Variants in AK9 observed in about 807,000 individuals in gnomAD.
AK9 encodes the protein adenylate kinase domain containing 1.
AK9 carries 191 observed loss-of-function variants against 239.6 expected under a neutral mutation model. That is an observed-to-expected ratio of 0.80 (90% CI 0.71 to 0.90). The LOEUF (loss-of-function observed/expected upper bound fraction) is 0.90. AK9 is among the 40% of genes least tolerant of loss of function. The probability of loss-of-function intolerance (pLI) is 0.00; values close to 1 mark genes in which losing one functional copy is unlikely to be tolerated. For synonymous variants in AK9, 689 were observed against 721.0 expected (o/e 0.96, Z 0.71); for missense variants, 1,995 against 2,214.7 (o/e 0.90, Z 1.99).
chr6:109,555,804 G>A (rs188195950), intron 24 of AK9, among the ~76,000 whole-genome samples: 7 of 152,264 alleles, frequency 4.6e-5, no homozygotes, highest in Admixed American at 6.5e-5. Flanking sequence ...TTTCAAGTCC[G>A]TTTGGTCAGA....
Position 109,550,276 on chromosome 6 carries a change from CTT to C in AK9, c.2776_2777del (p.Lys926GlufsTer42), listed in dbSNP as rs758561120. On this transcript the variant is annotated frameshift_variant, in exon 25 of 41. Coordinates refer to ENST00000424296, the MANE Select transcript of AK9 (RefSeq NM_001145128.3). LOFTEE classifies it high-confidence loss of function. ...AGTGTTTTGTGTCTCCCAAATGCCT[CTT>C]TCTCTCCTTCATTTTATCTTCACCC... is the stretch of plus-strand genomic sequence containing the variant. ...EEGEDKMKER[K>X]RHLGDTKHFC... 4 of 1,611,348 alleles carry C rather than the reference CTT, an allele frequency of 2.5e-6. No individual in the cohort carries two copies. The highest frequency in any genetic ancestry group is 3.4e-6 in the Non-Finnish European group (4 of 1,179,952).
At chr6:109,537,825 A>G (rs1263651251) in intron 27 of AK9, among the ~76,000 whole-genome samples, 1 of 152,112 alleles carries the variant, frequency 6.6e-6, no homozygotes, top group African/African-American at 2.4e-5. Context: ...CATTGGTTTC[A>G]AAGAACATCT....
intron 17 of AK9, among the ~76,000 whole-genome samples, chr6:109,603,250 G>A (rs1392166081): frequency 9.9e-5 from 15 of 152,104 alleles, no homozygotes; most frequent in Admixed American, 7.9e-4. Flanking sequence ...ATGAGGTTTT[G>A]GTGTGGGTGT....
At chr6:109,646,197 T>C (rs1037101498) in intron 8 of AK9, among the ~76,000 whole-genome samples, 3 of 152,132 alleles carry the variant, frequency 2.0e-5, no homozygotes, top group South Asian at 2.1e-4. Context: ...CTCCAAAGGA[T>C]TGCAGCCCCT....
At chr6:109,677,507 T>C (rs1771929610) in intron 1 of AK9, among the ~76,000 whole-genome samples, 2 of 152,124 alleles carry the variant, frequency 1.3e-5, no homozygotes, top group South Asian at 4.1e-4. Flanking sequence ...TTCAAATTAA[T>C]ACATAAAATT....
intron 12 of AK9, among the ~76,000 whole-genome samples, chr6:109,628,134 C>T (rs1405313593): frequency 6.6e-6 from 1 of 152,170 alleles, no homozygotes; most frequent in African/African-American, 2.4e-5. Context: ...ATGGCCTTTA[C>T]AGTGTGTCAG....
chr6:109,660,190 C>T (rs1222910045), intron 6 of AK9, among the ~76,000 whole-genome samples: 1 of 152,072 alleles, frequency 6.6e-6, no homozygotes, highest in African/African-American at 2.4e-5. Context: ...TGATTGTAGT[C>T]CATGGTCTAT....
intron 8 of AK9, among the ~76,000 whole-genome samples, chr6:109,649,763 G>T (rs941289169): frequency 6.6e-6 from 1 of 152,214 alleles, no homozygotes; most frequent in Non-Finnish European, 1.5e-5. Flanking sequence ...CCAAAAAAGA[G>T]CTGGCATCGC....
intron 17 of AK9, among the ~76,000 whole-genome samples, chr6:109,603,786 C>G (rs1792435800): frequency 6.6e-6 from 1 of 152,196 alleles, no homozygotes. Context: ...CGCCCCTCCC[C>G]CAGACTCACT....
chr6:109,671,085 AG>A (rs998676053), intron 5 of AK9, among the ~76,000 whole-genome samples: 1 of 152,202 alleles, frequency 6.6e-6, no homozygotes, highest in Non-Finnish European at 1.5e-5. Flanking sequence ...TTTTGTCTAT[AG>A]ATAGAAACCA....
At chr6:109,596,669 C>G (rs956074675) in intron 17 of AK9, among the ~76,000 whole-genome samples, 42 of 152,066 alleles carry the variant, frequency 2.8e-4, no homozygotes, top group Non-Finnish European at 1.2e-4. Context: ...AATCTGTGAA[C>G]AGGAAGGGAG....
chr6:109,493,650 T>C, intron 40 of AK9, 79 bp from the exon 41 acceptor site: 3 of 1,230,600 alleles, frequency 2.4e-6, no homozygotes, highest in Non-Finnish European at 3.5e-6. Context: ...GGATGTGTGG[T>C]TGAGTTAGTT....
At chr6:109,655,849 G>C (rs1799628660) in intron 8 of AK9, among the ~76,000 whole-genome samples, 1 of 152,186 alleles carries the variant, frequency 6.6e-6, no homozygotes, top group South Asian at 2.1e-4. Context: ...CGCTTCAGAA[G>C]CTACGTTTAT....
intron 12 of AK9, among the ~76,000 whole-genome samples, chr6:109,625,300 T>C (rs912945481): frequency 6.6e-6 from 1 of 152,272 alleles, no homozygotes; most frequent in African/African-American, 2.4e-5. Context: ...ATGGCTTTTC[T>C]TCTTGTAGTT....
At chr6:109,618,567 G>A (rs1023479768) in intron 13 of AK9, among the ~76,000 whole-genome samples, 3 of 152,082 alleles carry the variant, frequency 2.0e-5, no homozygotes, top group Non-Finnish European at 4.4e-5. Context: ...TATGCTACCC[G>A]CTGGGTGATT....
chr6:109,531,769 C>CA (rs1230561040), intron 28 of AK9, among the ~76,000 whole-genome samples: 3 of 152,164 alleles, frequency 2.0e-5, no homozygotes, highest in Non-Finnish European at 4.4e-5. Flanking sequence ...CTCATACTTA[C>CA]AGAATCTCTC....
chr6:109,623,903 ACATTT>A (rs1411499331), intron 12 of AK9, among the ~76,000 whole-genome samples: 106 of 127,468 alleles, frequency 8.3e-4, no homozygotes, highest in Admixed American at 4.3e-3. Flanking sequence ...ACACACACAC[ACATTT>A]CTTCTCCCAC....
intron 17 of AK9, among the ~76,000 whole-genome samples, chr6:109,603,716 C>A (rs1562481437): frequency 6.6e-6 from 1 of 152,140 alleles, no homozygotes; most frequent in Non-Finnish European, 1.5e-5. Context: ...GTGGTGGGAT[C>A]CACCCAGTTC....
chr6:109,571,525 C>T (rs1464682207), intron 21 of AK9, among the ~76,000 whole-genome samples: 2 of 152,108 alleles, frequency 1.3e-5, no homozygotes, highest in African/African-American at 2.4e-5. Flanking sequence ...AAAGGAAATA[C>T]ATTAGAATGT....
Sources: gnomAD v4.1 joint callset for allele counts (sites outside exome capture counted in the v4.1 genomes callset) on GRCh38, gnomAD v4.1.1 for gene constraint, MANE v1.5 for transcripts, NCBI Gene and HGNC (gene_info 2026-07-23, HGNC 2026-07-21) for gene names.